The following MAP3K4 variants were observed in gnomAD, a reference collection of about 807,000 sequenced individuals.
MAP3K4 encodes the protein mitogen-activated protein kinase kinase kinase 4.
Under a neutral mutation model 185.6 loss-of-function variants are expected in MAP3K4, and 67 were observed. The observed-to-expected ratio is 0.36, with a 90% CI of 0.30 to 0.44. The LOEUF is 0.44. Ranked by LOEUF, MAP3K4 falls within the 20% of genes least tolerant of loss-of-function variation. The pLI is 1.00. For synonymous variants in MAP3K4, 702 were observed against 710.4 expected, an observed-to-expected ratio of 0.99 and a Z score of 0.19; for missense variants, 1,551 against 1,995.1, an observed-to-expected ratio of 0.78 and a Z score of 4.24.
At chr6:161,046,263 A>G (rs1783723808) in intron 2 of MAP3K4, among the ~76,000 whole-genome samples, 1 of 152,168 alleles carries the variant, frequency 6.6e-6, no homozygotes, top group Non-Finnish European at 1.5e-5. Context: ...TTTGGTTTCA[A>G]AATACCATGG....
intron 3 of MAP3K4, among the ~76,000 whole-genome samples, chr6:161,066,064 G>A (rs918405728): frequency 5.9e-5 from 9 of 152,182 alleles, no homozygotes; most frequent in Admixed American, 2.6e-4. Flanking sequence ...TTGGATTAGG[G>A]ATGCGCAACC....
chr6:161,041,378 G>A (rs1214364470), intron 2 of MAP3K4, among the ~76,000 whole-genome samples: 1 of 152,166 alleles, frequency 6.6e-6, no homozygotes, highest in African/African-American at 2.4e-5. Flanking sequence ...AGTCATCCCT[G>A]GTCCTTCCCC....
intron 3 of MAP3K4, among the ~76,000 whole-genome samples, chr6:161,066,410 CT>C (rs1325667311): frequency 7.6e-4 from 108 of 141,634 alleles, no homozygotes; most frequent in Non-Finnish European, 6.7e-4. Flanking sequence ...TTCATCTTTT[CT>C]TTTTTTTTTT....
intron 17 of MAP3K4, among the ~76,000 whole-genome samples, chr6:161,099,919 A>G (rs1473471351): frequency 6.6e-6 from 1 of 152,258 alleles, no homozygotes; most frequent in Non-Finnish European, 1.5e-5. Flanking sequence ...AACGCTTATC[A>G]GTAGCATTTC....
intron 3 of MAP3K4, among the ~76,000 whole-genome samples, chr6:161,062,793 T>G (rs1444966292): frequency 1.3e-5 from 2 of 152,210 alleles, no homozygotes; most frequent in Non-Finnish European, 2.9e-5. Flanking sequence ...CTTTAAACTC[T>G]ACTAGTTTTA....
At chr6:161,010,863 A>G (rs773669520) in intron 1 of MAP3K4, among the ~76,000 whole-genome samples, 1 of 152,198 alleles carries the variant, frequency 6.6e-6, no homozygotes, top group Non-Finnish European at 1.5e-5. Context: ...GATTATATTT[A>G]TTGTGTATAG....
intron 15 of MAP3K4, among the ~76,000 whole-genome samples, chr6:161,095,575 A>G (rs571232397): frequency 6.6e-6 from 1 of 152,276 alleles, no homozygotes; most frequent in Admixed American, 6.5e-5. Context: ...CTCTGTGCCC[A>G]TTTCATCACA....
chr6:161,026,733 C>CT (rs553664182), intron 1 of MAP3K4, among the ~76,000 whole-genome samples: 4,214 of 96,008 alleles, frequency 0.044, 176 homozygotes, highest in African/African-American at 0.12. Flanking sequence ...GTTCTCTCTC[C>CT]TTTTTTTTTT....
chr6:161,013,608 G>A (rs1781948639), intron 1 of MAP3K4, among the ~76,000 whole-genome samples: 1 of 152,188 alleles, frequency 6.6e-6, no homozygotes, highest in South Asian at 2.1e-4. Flanking sequence ...GCCCAGGAAA[G>A]AATTCAGGGG....
chr6:161,012,269 C>T (rs557022774), intron 1 of MAP3K4, among the ~76,000 whole-genome samples: 1 of 152,276 alleles, frequency 6.6e-6, no homozygotes, highest in African/African-American at 2.4e-5. Flanking sequence ...CAGCTCCATT[C>T]CTTTGTATGG....
intron 4 of MAP3K4, among the ~76,000 whole-genome samples, chr6:161,072,934 C>T (rs1423292323): frequency 6.6e-6 from 1 of 152,086 alleles, no homozygotes; most frequent in Non-Finnish European, 1.5e-5. Flanking sequence ...AATTCCATCA[C>T]ATAATATTAA....
chr6:161,091,661 A>G lies in MAP3K4; in HGVS notation c.3135+121A>G. 1 of 849,446 alleles carries G rather than the reference A, an allele frequency of 1.2e-6. No individual in the cohort carries two copies. The highest frequency in any genetic ancestry group is 1.8e-6 in the Non-Finnish European group (1 of 543,268). The allele number at this position is 849,446 out of a possible 1,614,324, so 52.6% of individuals were successfully genotyped here. A position where few individuals can be genotyped will look rare whatever the true frequency, so the allele number is the denominator to read the frequency against. The stretch of plus-strand genomic sequence containing the variant: ...TAATCATAGCTTAATCAAGAATATC[A>G]TCTTATATCACTGCTGTATATCAGA... On this transcript the variant is annotated intron_variant, in intron 12 of 26. Transcript: ENST00000392142. The surrounding 1 kb of genome is among the most constrained non-coding windows in gnomAD (Gnocchi z 5.5).
rs778498300 is a variant in MAP3K4, at chr6:160,992,003, G to A, written c.72G>A (p.Glu24=). Residue 24 remains glutamate, a synonymous_variant, in exon 1 of 27, where the codon GAG becomes GAA. Transcript: ENST00000392142. Reference sequence around the variant, plus strand: ...TCACGCCTGCCGCCGCCATGGAGGAGCCGCCGCCACCGCCGCCGCCGCCAC... The same window carrying A: ...TCACGCCTGCCGCCGCCATGGAGGAACCGCCGCCACCGCCGCCGCCGCCAC... ...FAVTPAAAME[E]PPPPPPPPPP... is the part of the protein sequence containing the mutation. 6.5e-7 allele frequency: 1 copy of A among 1,543,624 alleles called. No individual in the cohort carries two copies. The highest frequency in any genetic ancestry group is 1.7e-4 in the Middle Eastern group (1 of 5,824).
At position 161,037,557 on chromosome 6, in the gene MAP3K4, T is replaced by G. The variant is rs1482214624; in HGVS notation, c.343+3108T>G. The stretch of plus-strand genomic sequence containing the variant: ...CCTCACCCTCCCGAGTAGCTAGGAC[T>G]ACAGGCATGCGCCACCATGCCCGAC... On this transcript the variant is annotated intron_variant, in intron 2 of 26. Coordinates refer to ENST00000392142, the MANE Select transcript of MAP3K4 (RefSeq NM_005922.4). This position sits in a 1 kb window ranked among gnomAD's most constrained non-coding sequence, Gnocchi z 4.2. 6.6e-6 allele frequency among the ~76,000 whole-genome samples: 1 copy of G among 152,170 alleles called. No individual in the cohort carries two copies. Among genetic ancestry groups the G allele is most frequent in the African/African-American group, 2.4e-5 (1 of 41,448 alleles).
At position 161,051,971 on chromosome 6, in the gene MAP3K4, G is replaced by A. The variant is rs1225929341; in HGVS notation, c.1707+1992G>A. ...TGAGTAGCTTGTATTACTTTTTATT[G>A]TTGTATTCTTATTTTTAATGTTTTT... On this transcript the variant is annotated intron_variant, in intron 3 of 26. Transcript: ENST00000392142. The surrounding 1 kb of genome is among the most constrained non-coding windows in gnomAD (Gnocchi z 4.2). 6.6e-6 allele frequency among the ~76,000 whole-genome samples: 1 copy of A among 152,040 alleles called. No individual in the cohort carries two copies. Among genetic ancestry groups the A allele is most frequent in the Admixed American group, 6.6e-5 (1 of 15,266 alleles).
chr6:161,095,330 G>T (rs1382658413), intron 15 of MAP3K4, among the ~76,000 whole-genome samples: 1 of 152,162 alleles, frequency 6.6e-6, no homozygotes, highest in Non-Finnish European at 1.5e-5. Context: ...TAATAACAAT[G>T]TGTAAATTCT....
Position 161,096,096 on chromosome 6 carries a change from A to G in MAP3K4, c.3428-984A>G, listed in dbSNP as rs1318105452. On this transcript the variant is annotated intron_variant, in intron 15 of 26. Transcript: ENST00000392142. The surrounding 1 kb of genome is among the most constrained non-coding windows in gnomAD (Gnocchi z 4.9). ...TGCCATTGTAATAGCTAGGATAATG[A>G]ATCAGAGACACAAATTGCCTGAGGG... Among the ~76,000 whole-genome samples the G allele has an allele frequency of 1.3e-5, 2 of 152,152 alleles. No individual in the cohort carries two copies. The highest frequency in any genetic ancestry group is 4.8e-5 in the African/African-American group (2 of 41,440).
In MAP3K4 at chr6:161,087,741, T is replaced by C. The variant is rs530986049; in HGVS notation, c.2610T>C (p.Ala870=). 5.6e-6 allele frequency: 9 copies of C among 1,614,030 alleles called. No individual in the cohort carries two copies. In the South Asian group the frequency reaches 8.8e-5, roughly 16 times the overall value. The change falls in exon 10 of 27, where the codon GCT becomes GCC. Residue 870 remains alanine (A), a synonymous_variant. Coordinates refer to ENST00000392142, the MANE Select transcript of MAP3K4 (RefSeq NM_005922.4). The surrounding 1 kb of genome is among the most constrained non-coding windows in gnomAD (Gnocchi z 4.9). ...NLQMFVPDTL[A]EEKSIILQLL... ...AAATGTTTGTTCCAGACACTCTTGC[T>C]GAGGAGAAGAGTATTATTTTGCAGT... is the stretch of plus-strand genomic sequence containing the variant.
At chr6:161,024,540 C>T (rs189080565) in intron 1 of MAP3K4, among the ~76,000 whole-genome samples, 1 of 152,292 alleles carries the variant, frequency 6.6e-6, no homozygotes, top group Non-Finnish European at 1.5e-5. Flanking sequence ...TTAACAGTTT[C>T]TCACACTTTG....
Sources: allele counts gnomAD v4.1 joint callset (sites outside exome capture counted in the v4.1 genomes callset), GRCh38; gene constraint gnomAD v4.1.1; non-coding constraint Gnocchi (gnomAD v3.1); transcripts MANE v1.5; gene names NCBI Gene and HGNC (gene_info 2026-07-23, HGNC 2026-07-21).